MAST4: variants seen among roughly 807,000 people sequenced by gnomAD.
The protein encoded by MAST4 is microtubule associated serine/threonine kinase family member 4, also known as microtubule-associated serine/threonine-protein kinase 4.
A neutral mutation model predicts 162.7 loss-of-function variants in MAST4; 89 were observed. The observed-to-expected ratio is 0.55, with a 90% CI of 0.46 to 0.65. The LOEUF (loss-of-function observed/expected upper bound fraction) is 0.65, where lower values mean the gene tolerates loss of function less well. Among genes scored for constraint, MAST4 ranks in the 30% least tolerant of loss-of-function variants. The pLI is 0.00. For missense variants in MAST4, 3,153 were observed against 3,374.0 expected, an observed-to-expected ratio of 0.93 and a Z score of 1.62; for synonymous variants, 1,479 against 1,361.1, an observed-to-expected ratio of 1.09 and a Z score of -1.91.
chr5:67,117,418 T>C (rs1767048089), intron 12 of MAST4, among the ~76,000 whole-genome samples: 1 of 152,196 alleles, frequency 6.6e-6, no homozygotes, highest in Non-Finnish European at 1.5e-5. Context: ...TCCAGTGTTG[T>C]TTTGCTTCAT....
intron 5 of MAST4, among the ~76,000 whole-genome samples, chr5:67,073,458 C>G (rs1761213149): frequency 6.6e-6 from 1 of 152,174 alleles, no homozygotes; most frequent in South Asian, 2.1e-4. Flanking sequence ...GGACTCGGCT[C>G]ACGATATGGG....
intron 27 of MAST4, among the ~76,000 whole-genome samples, chr5:67,162,292 A>C (rs575159093): frequency 2.8e-4 from 43 of 152,226 alleles, no homozygotes; most frequent in Non-Finnish European, 5.7e-4. Context: ...AGAAGCTTTC[A>C]AGCAAAGAGC....
chr5:66,706,333 A>C (rs1750123777), intron 1 of MAST4, among the ~76,000 whole-genome samples: 1 of 152,194 alleles, frequency 6.6e-6, no homozygotes, highest in Non-Finnish European at 1.5e-5. Context: ...TAAGTGTCAC[A>C]AAATGAGTTG....
At chr5:66,942,486 A>T (rs1743473408) in intron 4 of MAST4, among the ~76,000 whole-genome samples, 1 of 152,148 alleles carries the variant, frequency 6.6e-6, no homozygotes, top group Non-Finnish European at 1.5e-5. Flanking sequence ...CTTAAAAATT[A>T]ATATAACCAT....
At chr5:66,670,219 T>C (rs1191957772) in intron 1 of MAST4, among the ~76,000 whole-genome samples, 1 of 152,188 alleles carries the variant, frequency 6.6e-6, no homozygotes, top group Non-Finnish European at 1.5e-5. Context: ...CAAGGTCAAA[T>C]ATAAATGGCT....
rs530924532 is a variant in MAST4 at position 67,164,056 on chromosome 5, C to T, written c.4877C>T (p.Pro1626Leu). 1.9e-6 allele frequency: 3 copies of T among 1,569,068 alleles called. No individual in the cohort carries two copies. The highest frequency in any genetic ancestry group is 1.4e-5 in the African/African-American group (1 of 73,850). The change falls in exon 29 of 29, where the codon CCT becomes CTT. Residue 1626 changes from proline (P) to leucine (L), a missense_variant. Around this residue, in one of 7 missense-constraint regions of MAST4, gnomAD observed 1,644 missense variants for 1,495.0 expected, o/e 1.10. Coordinates refer to ENST00000403625, the MANE Select transcript of MAST4 (RefSeq NM_001164664.2). This position sits in a 1 kb window ranked among gnomAD's most constrained non-coding sequence, Gnocchi z 5.3. ...GGTGCGATGTCGGATGGCCGGGTGC[C>T]TGCGGAGCACCGCCAGGGTGGCGGG... Reference protein sequence around the residue: ...SEGAMSDGRVPAEHRQGGGDF... With the variant: ...SEGAMSDGRVLAEHRQGGGDF...
intron 1 of MAST4, among the ~76,000 whole-genome samples, chr5:66,600,954 G>C (rs1330949969): frequency 6.6e-6 from 1 of 152,134 alleles, no homozygotes; most frequent in Non-Finnish European, 1.5e-5. Context: ...TTATTTTGTT[G>C]GTATAAGTTA....
intron 1 of MAST4, among the ~76,000 whole-genome samples, chr5:66,751,360 G>A (rs1031384643): frequency 2.0e-4 from 30 of 152,190 alleles, no homozygotes; most frequent in African/African-American, 7.2e-4. Flanking sequence ...GCTACAGGAG[G>A]ACATTCAAAC....
intron 3 of MAST4, among the ~76,000 whole-genome samples, chr5:66,858,421 G>A (rs1759844973): frequency 6.6e-6 from 1 of 152,266 alleles, no homozygotes; most frequent in Non-Finnish European, 1.5e-5. Context: ...TGAATCTGTG[G>A]TGTATCATTT....
At chr5:66,791,876 CCAGA>C (rs778424733) in intron 3 of MAST4, among the ~76,000 whole-genome samples, 6 of 152,186 alleles carry the variant, frequency 3.9e-5, no homozygotes, top group Admixed American at 3.9e-4. Context: ...AGGAGAGCTG[CCAGA>C]CAGACGACCA....
chr5:66,676,643 G>A (rs959222138), intron 1 of MAST4, among the ~76,000 whole-genome samples: 1 of 152,158 alleles, frequency 6.6e-6, no homozygotes, highest in Non-Finnish European at 1.5e-5. Context: ...ACCAATCAGC[G>A]GAGCACTTGC....
intron 11 of MAST4, among the ~76,000 whole-genome samples, chr5:67,111,537 G>GA (rs796459501): frequency 9.3e-5 from 14 of 150,946 alleles, no homozygotes; most frequent in Admixed American, 2.0e-4. Flanking sequence ...AGGCTAAAAG[G>GA]AAAAAAAAAT....
rs184986419 is a variant in MAST4, at chr5:66,772,879, G to A, written c.517+13017G>A. Among the ~76,000 whole-genome samples, 175 of 152,270 alleles carry A rather than the reference G, an allele frequency of 1.1e-3. 1 individual carries two copies. The highest frequency in any genetic ancestry group is 3.8e-3 in the African/African-American group (159 of 41,552). On this transcript the variant is annotated intron_variant, in intron 2 of 28. Coordinates refer to ENST00000403625, the MANE Select transcript of MAST4 (RefSeq NM_001164664.2). ...TAATTTTAGCTACCATGGTGAGGGA[G>A]GGAAAGTCTTTGTAGAAAATGGGTT...
chr5:67,063,265 A>G (rs567721831), intron 5 of MAST4, among the ~76,000 whole-genome samples: 1 of 152,174 alleles, frequency 6.6e-6, no homozygotes, highest in South Asian at 2.1e-4. Context: ...AATCAGATGG[A>G]CTGACGTCAG....
intron 1 of MAST4, among the ~76,000 whole-genome samples, chr5:66,732,844 G>A (rs1751935489): frequency 6.6e-6 from 1 of 152,176 alleles, no homozygotes; most frequent in South Asian, 2.1e-4. Flanking sequence ...CTCTTGCTCA[G>A]CTGCACCTTT....
intron 4 of MAST4, among the ~76,000 whole-genome samples, chr5:66,971,059 T>C (rs1747375179): frequency 6.6e-6 from 1 of 152,174 alleles, no homozygotes; most frequent in Admixed American, 6.5e-5. Flanking sequence ...CCTGTGCCTC[T>C]ATTTCTTCGG....
chr5:66,879,231 A>G (rs1158546116), intron 3 of MAST4, among the ~76,000 whole-genome samples: 1 of 152,082 alleles, frequency 6.6e-6, no homozygotes, highest in Non-Finnish European at 1.5e-5. Flanking sequence ...GTGAGCCGAG[A>G]TTGCGCTACT....
At chr5:66,661,474 A>T (rs1294962446) in intron 1 of MAST4, among the ~76,000 whole-genome samples, 2 of 152,200 alleles carry the variant, frequency 1.3e-5, no homozygotes, top group East Asian at 3.8e-4. Flanking sequence ...AAAGGAGTCC[A>T]GGGAATGTAG....
intron 1 of MAST4, among the ~76,000 whole-genome samples, chr5:66,684,115 A>G (rs1302980553): frequency 6.6e-6 from 1 of 152,208 alleles, no homozygotes; most frequent in African/African-American, 2.4e-5. Context: ...AGGATGTTTA[A>G]GGAAGGTTAG....
Sources: allele counts gnomAD v4.1 joint callset (sites outside exome capture counted in the v4.1 genomes callset), GRCh38; gene constraint gnomAD v4.1.1; regional missense constraint gnomAD v4.1.1; non-coding constraint Gnocchi (gnomAD v3.1); transcripts MANE v1.5; gene names NCBI Gene and HGNC (gene_info 2026-07-23, HGNC 2026-07-21).